Variants in ATXN1 observed in about 807,000 individuals in gnomAD.
The protein encoded by ATXN1 is ataxin 1, also known as ataxin-1.
In ATXN1, 8 loss-of-function variants were observed where a neutral mutation model predicts 56.4. The observed-to-expected ratio is 0.14, with a 90% CI of 0.08 to 0.26. ATXN1 has a LOEUF of 0.26. Ranked by LOEUF, ATXN1 falls within the 10% of genes least tolerant of loss-of-function variation. The pLI is 1.00. For missense variants in ATXN1, 987 were observed against 1,106.5 expected (o/e 0.89, Z 1.53); for synonymous variants, 514 against 494.6 (o/e 1.04, Z -0.52).
At chr6:16,546,130 T>C (rs939363855) in intron 4 of ATXN1, among the ~76,000 whole-genome samples, 3 of 152,122 alleles carry the variant, frequency 2.0e-5, no homozygotes, top group African/African-American at 7.2e-5. Context: ...AGAATCAAGG[T>C]GTGCATTTTA....
chr6:16,726,682 C>T (rs1017587654), intron 2 of ATXN1, among the ~76,000 whole-genome samples: 44 of 151,946 alleles, frequency 2.9e-4, no homozygotes, highest in African/African-American at 9.7e-4. Context: ...CTGGCCAACA[C>T]GGTGAAACTC....
At chr6:16,713,983 C>T (rs1187716582) in intron 2 of ATXN1, among the ~76,000 whole-genome samples, 1 of 152,106 alleles carries the variant, frequency 6.6e-6, no homozygotes, top group African/African-American at 2.4e-5. Context: ...CATGTGAAAT[C>T]TCGTCTTTAT....
intron 3 of ATXN1, among the ~76,000 whole-genome samples, chr6:16,611,534 G>A (rs1763105354): frequency 6.6e-6 from 1 of 152,172 alleles, no homozygotes; most frequent in South Asian, 2.1e-4. Context: ...AATTAAGAAT[G>A]CCCTTAGACT....
chr6:16,584,332 A>G (rs1376185742), intron 4 of ATXN1, among the ~76,000 whole-genome samples: 1 of 150,816 alleles, frequency 6.6e-6, no homozygotes. Flanking sequence ...ATATTTTTAA[A>G]CTAATGAGCA....
At chr6:16,484,470 A>G (rs1470670216) in intron 6 of ATXN1, among the ~76,000 whole-genome samples, 1 of 152,122 alleles carries the variant, frequency 6.6e-6, no homozygotes, top group Non-Finnish European at 1.5e-5. Context: ...GGTAGTATGA[A>G]GCAATACACA....
At chr6:16,586,972 C>T (rs934967265) in intron 3 of ATXN1, among the ~76,000 whole-genome samples, 1 of 151,756 alleles carries the variant, frequency 6.6e-6, no homozygotes, top group Non-Finnish European at 1.5e-5. Context: ...GAGCTGAGAT[C>T]ATGCCACTGC....
At chr6:16,426,242 G>A (rs1324330739) in intron 6 of ATXN1, among the ~76,000 whole-genome samples, 1 of 149,736 alleles carries the variant, frequency 6.7e-6, no homozygotes, top group Non-Finnish European at 1.5e-5. Flanking sequence ...TTTTGACAGG[G>A]CTTATTAACA....
In ATXN1 at chr6:16,760,594, A is replaced by G. The variant is rs1761056829; in HGVS notation, c.-730+704T>C. On this transcript the variant is annotated intron_variant, in intron 1 of 7. Transcript: ENST00000436367. This position sits in a 1 kb window ranked among gnomAD's most constrained non-coding sequence, Gnocchi z 5.3. The stretch of plus-strand genomic sequence containing the variant: ...CCCCGCCCGGCACCCGGCCGCGCGC[A>G]AAGTCCCGTCCCGGCTGCAGGAGCA... Among the ~76,000 whole-genome samples the G allele has an allele frequency of 6.8e-6, 1 of 146,662 alleles. No homozygotes were observed. Among genetic ancestry groups the G allele is most frequent in the Non-Finnish European group, 1.5e-5 (1 of 66,426 alleles).
intron 3 of ATXN1, among the ~76,000 whole-genome samples, chr6:16,608,762 A>G (rs1763054952): frequency 6.6e-6 from 1 of 152,260 alleles, no homozygotes; most frequent in Admixed American, 6.5e-5. Context: ...ATACAGGTGT[A>G]GCTTACAATA....
chr6:16,448,210 A>C (rs959688634), intron 6 of ATXN1, among the ~76,000 whole-genome samples: 8 of 152,108 alleles, frequency 5.3e-5, no homozygotes, highest in African/African-American at 1.9e-4. Flanking sequence ...AGTGGCCTCC[A>C]CACTCCCTTC....
At chr6:16,513,261 A>G (rs932989510) in intron 5 of ATXN1, among the ~76,000 whole-genome samples, 8 of 152,244 alleles carry the variant, frequency 5.3e-5, no homozygotes, top group Non-Finnish European at 1.2e-4. Context: ...GCTAATGGAA[A>G]GTGATCAAAA....
chr6:16,387,475 C>T (rs1758265243), intron 6 of ATXN1, among the ~76,000 whole-genome samples: 1 of 152,190 alleles, frequency 6.6e-6, no homozygotes, highest in Admixed American at 6.5e-5. Context: ...CAAACTCAGA[C>T]TATGCTTGCT....
intron 2 of ATXN1, among the ~76,000 whole-genome samples, chr6:16,675,474 G>A (rs1758640692): frequency 6.6e-6 from 1 of 152,186 alleles, no homozygotes; most frequent in African/African-American, 2.4e-5. Context: ...AAGGGTGGAG[G>A]GAATTTATAT....
intron 4 of ATXN1, among the ~76,000 whole-genome samples, chr6:16,580,425 G>A (rs895382644): frequency 3.3e-5 from 5 of 152,144 alleles, no homozygotes; most frequent in African/African-American, 4.8e-5. Context: ...AGTTTTGCCC[G>A]CACTTTGAGT....
chr6:16,416,780 C>A (rs1321226503), intron 6 of ATXN1, among the ~76,000 whole-genome samples: 1 of 152,200 alleles, frequency 6.6e-6, no homozygotes, highest in Non-Finnish European at 1.5e-5. Flanking sequence ...TGTGTTACAG[C>A]CGAGCTGGTA....
chr6:16,325,085 T>C (rs1490114090), intron 7 of ATXN1, among the ~76,000 whole-genome samples: 1 of 151,304 alleles, frequency 6.6e-6, no homozygotes, highest in East Asian at 1.9e-4. Context: ...GCCTCCTATA[T>C]TGGTCCATCA....
intron 6 of ATXN1, among the ~76,000 whole-genome samples, chr6:16,447,782 T>C (rs1472877999): frequency 6.6e-6 from 1 of 152,244 alleles, no homozygotes; most frequent in Non-Finnish European, 1.5e-5. Context: ...ATTTAATCTT[T>C]ATTGAAGCTT....
At chr6:16,654,246 TAAAG>T (rs1758142483) in intron 3 of ATXN1, among the ~76,000 whole-genome samples, 1 of 152,056 alleles carries the variant, frequency 6.6e-6, no homozygotes, top group Non-Finnish European at 1.5e-5. Context: ...TAGAAGTTCA[TAAAG>T]AGAGACTGCT....
At chr6:16,723,756 A>T (rs1214158445) in intron 2 of ATXN1, among the ~76,000 whole-genome samples, 4 of 151,278 alleles carry the variant, frequency 2.6e-5, no homozygotes, top group African/African-American at 4.9e-5. Context: ...ATTACAAAGA[A>T]TCTGACATTT....
Sources: gnomAD v4.1 joint callset for allele counts (sites outside exome capture counted in the v4.1 genomes callset) on GRCh38, gnomAD v4.1.1 for gene constraint, Gnocchi (gnomAD v3.1) non-coding constraint, MANE v1.5 for transcripts, NCBI Gene and HGNC (gene_info 2026-07-23, HGNC 2026-07-21) for gene names.